RAB8B: variants seen among roughly 807,000 people sequenced by gnomAD.
RAB8B encodes ras-related protein Rab-8B.
Under a neutral mutation model 32.0 loss-of-function variants are expected in RAB8B, and 11 were observed. The ratio of observed to expected loss-of-function variants is 0.34; its 90% CI spans 0.22 to 0.57. The LOEUF (loss-of-function observed/expected upper bound fraction) is 0.57, where lower values mean the gene tolerates loss of function less well. Among genes scored for constraint, RAB8B ranks in the 20% least tolerant of loss-of-function variants. The probability of loss-of-function intolerance (pLI) is 0.86; values close to 1 mark genes in which losing one functional copy is unlikely to be tolerated. For missense variants in RAB8B, 190 were observed against 258.5 expected (o/e 0.73, Z 1.82); for synonymous variants, 103 against 89.6 (o/e 1.15, Z -0.85).
chr15:63,229,780 CAAAAAAAAAAAAAAAA>C (rs56015501), intron 1 of RAB8B, among the ~76,000 whole-genome samples: 64 of 35,986 alleles, frequency 1.8e-3, no homozygotes, highest in Non-Finnish European at 2.4e-3. Context: ...GACGCTGTTT[CAAAAAAAAAAAAAAAA>C]AAAAAAAAAA....
At chr15:63,255,443 G>T in intron 3 of RAB8B, 64 bp from the exon 4 acceptor site, 2 of 1,118,054 alleles carry the variant, frequency 1.8e-6, no homozygotes, top group South Asian at 3.4e-5. Context: ...GGAGTACATT[G>T]ACATTATATA....
intron 1 of RAB8B, among the ~76,000 whole-genome samples, chr15:63,240,597 C>CA (rs2038024095): frequency 6.6e-6 from 1 of 151,974 alleles, no homozygotes; most frequent in Admixed American, 6.6e-5. Flanking sequence ...TCTAGGTCCC[C>CA]ACTTGCTTTT....
intron 1 of RAB8B, among the ~76,000 whole-genome samples, chr15:63,239,693 C>T (rs1191649284): frequency 6.6e-6 from 1 of 152,106 alleles, no homozygotes; most frequent in African/African-American, 2.4e-5. Flanking sequence ...CAGGCGTGAG[C>T]CACCGCACCT....
chr15:63,240,803 TA>T (rs1243926240), intron 1 of RAB8B, among the ~76,000 whole-genome samples: 1 of 49,538 alleles, frequency 2.0e-5, no homozygotes, highest in Non-Finnish European at 3.9e-5. Flanking sequence ...GTAATGTTCC[TA>T]ACAAAAAAAA....
chr15:63,214,052 GC>G (rs1425308718), intron 1 of RAB8B, among the ~76,000 whole-genome samples: 1 of 151,780 alleles, frequency 6.6e-6, no homozygotes, highest in Non-Finnish European at 1.5e-5. Flanking sequence ...CTGCACTCCA[GC>G]CTGGGTGACA....
chr15:63,237,123 C>G (rs2037987648), intron 1 of RAB8B, among the ~76,000 whole-genome samples: 2 of 152,078 alleles, frequency 1.3e-5, no homozygotes, highest in South Asian at 4.1e-4. Flanking sequence ...GTATATGTAC[C>G]ACATTTTCTT....
At chr15:63,208,893 ATTTT>A (rs58629991) in intron 1 of RAB8B, among the ~76,000 whole-genome samples, 1 of 133,500 alleles carries the variant, frequency 7.5e-6, no homozygotes. Context: ...TCCCACGATA[ATTTT>A]TTTTTTTTTT....
intron 1 of RAB8B, among the ~76,000 whole-genome samples, chr15:63,221,329 T>G (rs2037842552): frequency 6.6e-6 from 1 of 152,168 alleles, no homozygotes; most frequent in African/African-American, 2.4e-5. Context: ...ACAGTCTACT[T>G]TGGGAGAAGG....
At chr15:63,201,547 GA>G (rs2037650441) in intron 1 of RAB8B, among the ~76,000 whole-genome samples, 1 of 152,164 alleles carries the variant, frequency 6.6e-6, no homozygotes, top group African/African-American at 2.4e-5. Context: ...CCTTATTCAA[GA>G]GTCTGGACTT....
intron 1 of RAB8B, among the ~76,000 whole-genome samples, chr15:63,230,939 G>C (rs1047123378): frequency 6.6e-6 from 1 of 152,040 alleles, no homozygotes; most frequent in Non-Finnish European, 1.5e-5. Flanking sequence ...ATGACTTTAG[G>C]TTTTTCTCTA....
At chr15:63,250,918 G>A (rs2038112313) in intron 3 of RAB8B, among the ~76,000 whole-genome samples, 1 of 151,664 alleles carries the variant, frequency 6.6e-6, no homozygotes, top group South Asian at 2.1e-4. Context: ...GGATGACAGA[G>A]CTGAAGGGGT....
At chr15:63,234,551 G>A (rs2037962520) in intron 1 of RAB8B, among the ~76,000 whole-genome samples, 1 of 152,166 alleles carries the variant, frequency 6.6e-6, no homozygotes, top group African/African-American at 2.4e-5. Flanking sequence ...CCTTCTTTCT[G>A]TTTTGCTGGC....
At chr15:63,223,825 CT>C in intron 1 of RAB8B, 1 of 417,692 alleles carries the variant, frequency 2.4e-6, no homozygotes, top group South Asian at 1.7e-5. Context: ...TTTCTTTTGT[CT>C]TTATATTGTT....
At chr15:63,236,024 C>T (rs1305789779) in intron 1 of RAB8B, among the ~76,000 whole-genome samples, 8 of 152,160 alleles carry the variant, frequency 5.3e-5, no homozygotes, top group African/African-American at 1.4e-4. Context: ...TTGATTTTAA[C>T]CTAACCTTTT....
rs377256031 is a variant in RAB8B, at chr15:63,210,978, C to G, written c.124+21230C>G. On this transcript the variant is annotated intron_variant, in intron 1 of 7. Coordinates refer to ENST00000321437, the MANE Select transcript of RAB8B (RefSeq NM_016530.3). ...TCTAATTAACTTTGAAGAGCCAGAGCTCAACTCAACCTGAGGAAACCACTT... is the reference window on the plus strand; with the variant it reads ...TCTAATTAACTTTGAAGAGCCAGAGGTCAACTCAACCTGAGGAAACCACTT... 4.3e-4 allele frequency among the ~76,000 whole-genome samples: 66 copies of G among 152,316 alleles called. 2 individuals are homozygous for G. Among genetic ancestry groups the G allele is most frequent in the African/African-American group, 1.4e-3 (60 of 41,570 alleles).
intron 1 of RAB8B, among the ~76,000 whole-genome samples, chr15:63,205,882 T>C (rs530094315): frequency 6.6e-6 from 1 of 152,306 alleles, no homozygotes; most frequent in East Asian, 1.9e-4. Flanking sequence ...GGGAGTTCAG[T>C]TCATGGGCAG....
intron 1 of RAB8B, among the ~76,000 whole-genome samples, chr15:63,237,509 T>C (rs1430019983): frequency 1.3e-5 from 2 of 152,246 alleles, no homozygotes; most frequent in Non-Finnish European, 2.9e-5. Context: ...CCTTTTCATG[T>C]ATCTGTTTGC....
intron 1 of RAB8B, among the ~76,000 whole-genome samples, chr15:63,238,332 G>A (rs1454988126): frequency 1.3e-5 from 2 of 152,112 alleles, no homozygotes; most frequent in Non-Finnish European, 2.9e-5. Flanking sequence ...CAGTCATCTG[G>A]GGCTAGGGGA....
At chr15:63,215,075 C>A (rs2037781250) in intron 1 of RAB8B, among the ~76,000 whole-genome samples, 1 of 152,108 alleles carries the variant, frequency 6.6e-6, no homozygotes, top group African/African-American at 2.4e-5. Flanking sequence ...CCATATTTGT[C>A]AATAACTACC....
Sources: allele counts gnomAD v4.1 joint callset (sites outside exome capture counted in the v4.1 genomes callset), GRCh38; gene constraint gnomAD v4.1.1; transcripts MANE v1.5; gene names NCBI Gene and HGNC (gene_info 2026-07-23, HGNC 2026-07-21).